The following PLPPR1 variants were observed in gnomAD, a reference collection of about 807,000 sequenced individuals.
PLPPR1 encodes the protein phospholipid phosphatase-related protein type 1.
Under a neutral mutation model 33.1 loss-of-function variants are expected in PLPPR1, and 10 were observed. The observed-to-expected ratio is 0.30, with a 90% CI of 0.19 to 0.51. PLPPR1 has a LOEUF of 0.51. Among genes scored for constraint, PLPPR1 ranks in the 20% least tolerant of loss-of-function variants. The probability of loss-of-function intolerance (pLI) is 0.97; values close to 1 mark genes in which losing one functional copy is unlikely to be tolerated. For missense variants in PLPPR1, 304 were observed against 408.1 expected, an observed-to-expected ratio of 0.74 and a Z score of 2.20; for synonymous variants, 151 against 151.0, an observed-to-expected ratio of 1.00 and a Z score of 0.00.
At chr9:101,175,118 T>A (rs1242483632) in intron 1 of PLPPR1, among the ~76,000 whole-genome samples, 1 of 152,196 alleles carries the variant, frequency 6.6e-6, no homozygotes, top group African/African-American at 2.4e-5. Context: ...TTGCTCCTGC[T>A]GTTCCTTTTA....
At chr9:101,113,289 A>T (rs187108193) in intron 1 of PLPPR1, among the ~76,000 whole-genome samples, 2 of 152,274 alleles carry the variant, frequency 1.3e-5, no homozygotes, top group Middle Eastern at 3.4e-3. Flanking sequence ...TACTTGAACC[A>T]AAACTAAACG....
chr9:101,313,295 A>G (rs993519560), intron 6 of PLPPR1, among the ~76,000 whole-genome samples: 2 of 152,072 alleles, frequency 1.3e-5, no homozygotes, highest in Admixed American at 6.5e-5. Context: ...CTTCAAACCA[A>G]TCTTCTCTAA....
chr9:101,272,724 T>C (rs1338166787), intron 3 of PLPPR1, among the ~76,000 whole-genome samples: 2 of 152,236 alleles, frequency 1.3e-5, no homozygotes, highest in Non-Finnish European at 2.9e-5. Context: ...AAAATCATTT[T>C]TTAAAGGATA....
chr9:101,048,794 C>G (rs1830183023), intron 1 of PLPPR1, among the ~76,000 whole-genome samples: 2 of 152,160 alleles, frequency 1.3e-5, no homozygotes, highest in African/African-American at 2.4e-5. Flanking sequence ...GGTGGCTATC[C>G]ACTAGTACCC....
intron 4 of PLPPR1, among the ~76,000 whole-genome samples, chr9:101,290,091 T>A (rs974926576): frequency 2.6e-5 from 4 of 152,160 alleles, no homozygotes; most frequent in Admixed American, 6.5e-5. Flanking sequence ...TATATGTGAA[T>A]TTTTTTCACA....
intron 1 of PLPPR1, among the ~76,000 whole-genome samples, chr9:101,074,193 C>T (rs1056974912): frequency 3.3e-5 from 5 of 152,072 alleles, no homozygotes; most frequent in Non-Finnish European, 2.9e-5. Context: ...ACATGCAATA[C>T]ATTAAATTGA....
intron 1 of PLPPR1, among the ~76,000 whole-genome samples, chr9:101,043,096 A>G (rs10989363): frequency 0.03 from 4,619 of 151,922 alleles, 124 homozygotes; most frequent in East Asian, 0.081. Flanking sequence ...AGTCCATTGT[A>G]TCATTCTTAT....
intron 2 of PLPPR1, among the ~76,000 whole-genome samples, chr9:101,215,723 T>C (rs1444430206): frequency 6.6e-6 from 1 of 152,182 alleles, no homozygotes; most frequent in South Asian, 2.1e-4. Flanking sequence ...CTCTCACGTA[T>C]GAGTGAGAAC....
At chr9:101,156,778 G>A (rs180790034) in intron 1 of PLPPR1, among the ~76,000 whole-genome samples, 3 of 151,988 alleles carry the variant, frequency 2.0e-5, no homozygotes, top group Admixed American at 2.0e-4. Context: ...AAGAGGAGAG[G>A]GGAAGGCTTT....
intron 1 of PLPPR1, among the ~76,000 whole-genome samples, chr9:101,057,529 G>C (rs1014337896): frequency 6.6e-6 from 1 of 151,500 alleles, no homozygotes; most frequent in African/African-American, 2.4e-5. Flanking sequence ...CAAGGTGATG[G>C]TATATTGTAA....
intron 1 of PLPPR1, among the ~76,000 whole-genome samples, chr9:101,086,410 G>A (rs1830676505): frequency 6.6e-6 from 1 of 152,152 alleles, no homozygotes; most frequent in African/African-American, 2.4e-5. Flanking sequence ...CCTATGATGG[G>A]TCAAAATGAT....
chr9:101,180,423 A>C (rs1786443770), intron 1 of PLPPR1, among the ~76,000 whole-genome samples: 1 of 151,628 alleles, frequency 6.6e-6, no homozygotes, highest in Non-Finnish European at 1.5e-5. Flanking sequence ...AAAGATCTCA[A>C]ACAGTCAAAG....
intron 1 of PLPPR1, among the ~76,000 whole-genome samples, chr9:101,184,284 T>C (rs1826167785): frequency 6.6e-6 from 1 of 151,854 alleles, no homozygotes; most frequent in Non-Finnish European, 1.5e-5. Context: ...TTAAATTTGA[T>C]CAGAGAAACT....
intron 4 of PLPPR1, among the ~76,000 whole-genome samples, chr9:101,289,809 G>C (rs1265313558): frequency 6.6e-6 from 1 of 152,076 alleles, no homozygotes; most frequent in African/African-American, 2.4e-5. Flanking sequence ...CCCAACCTCA[G>C]GTATGTCTTT....
chr9:101,216,391 C>T (rs989208847), intron 2 of PLPPR1, among the ~76,000 whole-genome samples: 1 of 151,638 alleles, frequency 6.6e-6, no homozygotes, highest in Admixed American at 6.6e-5. Context: ...GTTTGTTTTC[C>T]TCTTGAGTTG....
intron 2 of PLPPR1, among the ~76,000 whole-genome samples, chr9:101,198,899 T>C (rs1357690605): frequency 6.6e-6 from 1 of 152,144 alleles, no homozygotes; most frequent in Non-Finnish European, 1.5e-5. Flanking sequence ...AGAGGCCAAA[T>C]CATGCAGTAA....
In PLPPR1 at chr9:101,309,323, T is replaced by G. The variant is rs760459469; in HGVS notation, c.498T>G (p.Ser166Arg). 1 of 1,614,186 alleles carries G rather than the reference T, an allele frequency of 6.2e-7. No individual in the cohort carries two copies. The highest frequency in any genetic ancestry group is 1.1e-5 in the South Asian group (1 of 91,088). Residue 166 changes from serine to arginine, a missense_variant, in exon 5 of 8, where the codon AGT (serine) becomes AGG (arginine). Physicochemically the swap from Ser to Arg is moderately radical, Grantham distance 110. Coordinates refer to ENST00000374874, the MANE Select transcript of PLPPR1 (RefSeq NM_207299.2). The stretch of plus-strand genomic sequence containing the variant: ...CTGTGTGCAAGCCAAACTACACCAG[T>G]GCAGACTGCCAAGCGCACCACCAGT... ...FLTVCKPNYT[S>R]ADCQAHHQFI...
intron 1 of PLPPR1, among the ~76,000 whole-genome samples, chr9:101,170,736 G>C (rs576918120): frequency 6.6e-6 from 1 of 152,162 alleles, no homozygotes; most frequent in Non-Finnish European, 1.5e-5. Context: ...AGGGGTTTAA[G>C]ATCAGCCTGG....
At chr9:101,049,388 A>C (rs960122553) in intron 1 of PLPPR1, among the ~76,000 whole-genome samples, 26 of 152,236 alleles carry the variant, frequency 1.7e-4, no homozygotes, top group African/African-American at 6.0e-4. Flanking sequence ...TTGAAACATT[A>C]TGCCACTTTG....
Sources: allele counts gnomAD v4.1 joint callset (sites outside exome capture counted in the v4.1 genomes callset), GRCh38; gene constraint gnomAD v4.1.1; transcripts MANE v1.5; gene names NCBI Gene and HGNC (gene_info 2026-07-23, HGNC 2026-07-21).